Variants in ANO4 observed in about 807,000 individuals in gnomAD.
The protein encoded by ANO4 is anoctamin-4.
ANO4 carries 69 observed loss-of-function variants against 141.9 expected under a neutral mutation model. The observed-to-expected ratio is 0.49, with a 90% confidence interval of 0.40 to 0.59. ANO4 has a LOEUF of 0.59. Among genes scored for constraint, ANO4 ranks in the 20% least tolerant of loss-of-function variants. The pLI, the probability that ANO4 is intolerant of heterozygous loss-of-function variation, is 0.00. For synonymous variants in ANO4, 350 were observed against 394.3 expected, an observed-to-expected ratio of 0.89 and a Z score of 1.33; for missense variants, 894 against 1,162.2, an observed-to-expected ratio of 0.77 and a Z score of 3.36.
chr12:100,978,079 A>G (rs2044285058), intron 7 of ANO4, among the ~76,000 whole-genome samples: 2 of 152,128 alleles, frequency 1.3e-5, no homozygotes, highest in African/African-American at 4.8e-5. Flanking sequence ...TTCCATTAGA[A>G]TCCTATGGCC....
chr12:101,127,033 A>G lies in ANO4; in HGVS notation c.2831A>G (p.Lys944Arg). 6.2e-7 allele frequency: 1 copy of G among 1,614,032 alleles called. No homozygotes were observed. Among genetic ancestry groups the G allele is most frequent in the Non-Finnish European group, 8.5e-7 (1 of 1,179,898 alleles). ...ERLQKERKER[K>R]KNGKAHHNEW... ...CTCCAGAAGGAACGAAAGGAGAGGAAGAAGAATGGAAAAGCACACCACAAC... is the reference window on the plus strand; with the variant it reads ...CTCCAGAAGGAACGAAAGGAGAGGAGGAAGAATGGAAAAGCACACCACAAC... The change falls in exon 27 of 28, where the codon AAG becomes AGG. Residue 944 changes from lysine (K) to arginine (R), a missense_variant. Around this residue, in one of 2 missense-constraint regions of ANO4, gnomAD observed 637 missense variants for 909.2 expected, o/e 0.70. Transcript: ENST00000392977.
intron 3 of ANO4, among the ~76,000 whole-genome samples, chr12:100,777,273 T>TAA (rs2033553619): frequency 7.6e-6 from 1 of 131,968 alleles, no homozygotes; most frequent in Non-Finnish European, 1.6e-5. Flanking sequence ...TTGTATCTTT[T>TAA]TTTTTTTTTT....
chr12:100,978,156 A>G (rs2044289230), intron 7 of ANO4, among the ~76,000 whole-genome samples: 1 of 152,260 alleles, frequency 6.6e-6, no homozygotes, highest in Non-Finnish European at 1.5e-5. Flanking sequence ...ATTTGAAGGC[A>G]AGGATGACTC....
At chr12:100,790,920 T>C (rs533017604), upstream of ANO4, among the ~76,000 whole-genome samples, 4 of 152,332 alleles carry the variant, frequency 2.6e-5, no homozygotes, top group South Asian at 2.1e-4. Flanking sequence ...CAACCTATCC[T>C]CTCTCCATTT....
chr12:100,760,611 C>T (rs2032811900), intron 3 of ANO4, among the ~76,000 whole-genome samples: 1 of 152,190 alleles, frequency 6.6e-6, no homozygotes. Flanking sequence ...GATATAAATG[C>T]TTTATGCTGT....
intron 2 of ANO4, among the ~76,000 whole-genome samples, chr12:100,915,784 C>T (rs116827345): frequency 0.013 from 1,904 of 151,938 alleles, 41 homozygotes; most frequent in African/African-American, 0.044. Flanking sequence ...CCCATTTTTT[C>T]AATGAGAAAG....
At chr12:101,104,984 T>C (rs371095781) in intron 22 of ANO4, among the ~76,000 whole-genome samples, 1 of 152,132 alleles carries the variant, frequency 6.6e-6, no homozygotes. Flanking sequence ...TGACTTACTG[T>C]TGAATTGGTG....
At chr12:100,887,713 A>G (rs765332248) in intron 1 of ANO4, among the ~76,000 whole-genome samples, 7 of 152,230 alleles carry the variant, frequency 4.6e-5, no homozygotes, top group African/African-American at 4.8e-5. Flanking sequence ...CTTGACAAAT[A>G]TTTATTAAAT....
intron 14 of ANO4, among the ~76,000 whole-genome samples, chr12:101,051,061 T>C (rs997534767): frequency 4.6e-5 from 7 of 152,224 alleles, no homozygotes; most frequent in Admixed American, 2.6e-4. Context: ...TGAGACTACA[T>C]AGAAGTAAAT....
intron 1 of ANO4, among the ~76,000 whole-genome samples, chr12:100,719,829 G>A (rs769675496): frequency 2.0e-5 from 3 of 151,978 alleles, no homozygotes; most frequent in Non-Finnish European, 2.9e-5. Flanking sequence ...TTTGTCTTTT[G>A]AGCTTGCTCT....
At chr12:100,995,563 A>G (rs1437971036) in intron 8 of ANO4, among the ~76,000 whole-genome samples, 1 of 152,228 alleles carries the variant, frequency 6.6e-6, no homozygotes, top group East Asian at 1.9e-4. Context: ...TATCTTTTCA[A>G]AATCAATAAT....
At chr12:100,951,468 C>T (rs866307004) in intron 5 of ANO4, among the ~76,000 whole-genome samples, 54 of 152,168 alleles carry the variant, frequency 3.5e-4, no homozygotes, top group Admixed American at 2.4e-3. Flanking sequence ...ATAAAGAAAA[C>T]ATAGTACTTA....
intron 3 of ANO4, among the ~76,000 whole-genome samples, chr12:100,938,018 C>T (rs1257963205): frequency 2.6e-5 from 4 of 152,204 alleles, no homozygotes; most frequent in African/African-American, 9.6e-5. Context: ...GATATTAACA[C>T]GTTCTAGGAA....
intron 1 of ANO4, among the ~76,000 whole-genome samples, chr12:100,723,782 C>T (rs919449822): frequency 2.0e-5 from 3 of 152,090 alleles, no homozygotes; most frequent in Admixed American, 6.6e-5. Context: ...GTCCCAAATG[C>T]CCCATCCCCA....
chr12:101,105,776 CT>C (rs2050415030), intron 22 of ANO4, among the ~76,000 whole-genome samples: 2 of 152,216 alleles, frequency 1.3e-5, no homozygotes, highest in South Asian at 4.1e-4. Context: ...TAAAATAACT[CT>C]AGAATTGCAA....
At chr12:100,796,285 G>A (rs116352882) in intron 1 of ANO4, among the ~76,000 whole-genome samples, 1,960 of 152,174 alleles carry the variant, frequency 0.013, 53 homozygotes, top group African/African-American at 0.045. Flanking sequence ...TGTGATAAGT[G>A]AGGGGAGAGA....
rs1566013535 is a variant in ANO4 at position 100,922,279 on chromosome 12, G to A, written c.109G>A (p.Gly37Arg). The A allele has an allele frequency of 5.2e-6, 8 of 1,533,090 alleles. No homozygotes were observed. The highest frequency in any genetic ancestry group is 2.5e-5 in the East Asian group (1 of 40,746). The allele number at this position is 1,533,090 out of a possible 1,614,324, so 95.0% of individuals were successfully genotyped here. Residue 37 changes from glycine (G) to arginine (R), a missense_variant, in exon 3 of 28, where the codon GGG (glycine) becomes AGG (arginine). Coordinates refer to ENST00000392977, the MANE Select transcript of ANO4 (RefSeq NM_001286615.2). ...YQLDMQILPD[G>R]PKSDVDFSEI... ...GCTGGATATGCAAATACTACCTGAC[G>A]GGCCAAAGAGTGATGTGGACTTTTC...
At chr12:101,021,963 T>G (rs972600335) in intron 9 of ANO4, among the ~76,000 whole-genome samples, 2 of 147,000 alleles carry the variant, frequency 1.4e-5, no homozygotes, top group Non-Finnish European at 3.0e-5. Flanking sequence ...GAAATGTTGC[T>G]CAACATCATA....
In ANO4 at chr12:100,989,551, GTGGATGGATGGA is replaced by G. The variant is rs377197749; in HGVS notation, c.734+1911_734+1922del. On this transcript the variant is annotated intron_variant, in intron 8 of 27. Transcript: ENST00000392977. ...CATTGATAGGTTGCTGGGTGGGTGG[GTGGATGGATGGA>G]TGGATGGATGGATGGATGGATGGAT... is the stretch of plus-strand genomic sequence containing the variant. Among the ~76,000 whole-genome samples, 326 of 144,644 alleles carry G rather than the reference GTGGATGGATGGA, an allele frequency of 2.3e-3. 2 individuals are homozygous for G. The highest frequency in any genetic ancestry group is 7.7e-3 in the African/African-American group (300 of 38,890). The allele number at this position is 144,644 out of a possible 152,430, so 94.9% of individuals were successfully genotyped here. A position where few individuals can be genotyped will look rare whatever the true frequency, so the allele number is the denominator to read the frequency against.
Sources: gnomAD v4.1 joint callset for allele counts (sites outside exome capture counted in the v4.1 genomes callset) on GRCh38, gnomAD v4.1.1 for gene constraint, gnomAD v4.1.1 regional missense constraint, MANE v1.5 for transcripts, NCBI Gene and HGNC (gene_info 2026-07-23, HGNC 2026-07-21) for gene names.